The following MACROD2 variants were observed in gnomAD, a reference collection of about 807,000 sequenced individuals.
MACROD2 encodes ADP-ribose glycohydrolase MACROD2.
A neutral mutation model predicts 70.4 loss-of-function variants in MACROD2; 36 were observed. The ratio of observed to expected loss-of-function variants is 0.51; its 90% CI spans 0.39 to 0.68. The LOEUF is 0.68. MACROD2 is among the 30% of genes least tolerant of loss of function. The probability of loss-of-function intolerance (pLI) is 0.00; values close to 1 mark genes in which losing one functional copy is unlikely to be tolerated. For missense variants in MACROD2, 496 were observed against 538.4 expected (o/e 0.92, Z 0.78); for synonymous variants, 172 against 178.8 (o/e 0.96, Z 0.30).
At chr20:15,823,589 C>A (rs897340917) in intron 8 of MACROD2, among the ~76,000 whole-genome samples, 1 of 152,180 alleles carries the variant, frequency 6.6e-6, no homozygotes, top group African/African-American at 2.4e-5. Context: ...CATTAAATAG[C>A]GGTCATCACG....
At chr20:15,418,615 A>T (rs1477677774) in intron 6 of MACROD2, among the ~76,000 whole-genome samples, 1 of 152,212 alleles carries the variant, frequency 6.6e-6, no homozygotes, top group East Asian at 1.9e-4. Context: ...ATTAAGAGAC[A>T]CTGGAAGGTA....
intron 5 of MACROD2, among the ~76,000 whole-genome samples, chr20:15,140,189 G>A (rs17358812): frequency 0.21 from 31,916 of 151,980 alleles, 4,605 homozygotes; most frequent in Non-Finnish European, 0.32. Flanking sequence ...GAAGAGTCCA[G>A]GGTTATGACT....
chr20:14,885,121 C>T (rs558838416), intron 5 of MACROD2, among the ~76,000 whole-genome samples: 2 of 152,250 alleles, frequency 1.3e-5, no homozygotes, highest in South Asian at 2.1e-4. Context: ...CCCTACCTGT[C>T]ATTGAGAGGA....
At chr20:14,028,848 G>A (rs1046661815) in intron 2 of MACROD2, among the ~76,000 whole-genome samples, 10 of 152,064 alleles carry the variant, frequency 6.6e-5, no homozygotes, top group African/African-American at 2.4e-4. Flanking sequence ...GTTCCTATTC[G>A]GCTGTCTTGC....
At chr20:14,248,228 T>A (rs1428523876) in intron 3 of MACROD2, among the ~76,000 whole-genome samples, 1 of 152,218 alleles carries the variant, frequency 6.6e-6, no homozygotes, top group Non-Finnish European at 1.5e-5. Context: ...GCTGAGATAG[T>A]GACACCTTTG....
At chr20:15,632,407 G>A (rs1288516422) in intron 8 of MACROD2, among the ~76,000 whole-genome samples, 1 of 152,144 alleles carries the variant, frequency 6.6e-6, no homozygotes, top group Non-Finnish European at 1.5e-5. Context: ...CACAAGTTTA[G>A]CGGCGAGGGG....
intron 2 of MACROD2, among the ~76,000 whole-genome samples, chr20:14,028,473 A>G (rs2053205396): frequency 6.6e-6 from 1 of 152,158 alleles, no homozygotes; most frequent in African/African-American, 2.4e-5. Context: ...GGGGTATGAA[A>G]AAAAACTCCT....
chr20:14,566,087 T>A (rs1979781949), intron 4 of MACROD2, among the ~76,000 whole-genome samples: 2 of 151,888 alleles, frequency 1.3e-5, no homozygotes, highest in South Asian at 4.1e-4. Flanking sequence ...GGATGACAAA[T>A]GATATACTGG....
At chr20:14,468,762 G>A (rs970878270) in intron 3 of MACROD2, among the ~76,000 whole-genome samples, 2 of 151,954 alleles carry the variant, frequency 1.3e-5, no homozygotes, top group African/African-American at 4.8e-5. Flanking sequence ...CACCCGCCTT[G>A]GCCTCCCAAA....
chr20:14,794,273 G>C (rs1048523483), intron 5 of MACROD2, among the ~76,000 whole-genome samples: 1 of 152,102 alleles, frequency 6.6e-6, no homozygotes, highest in Admixed American at 6.6e-5. Context: ...CTTTTGAAAA[G>C]AATGGATCTG....
At chr20:15,770,796 C>T (rs2051611547) in intron 8 of MACROD2, among the ~76,000 whole-genome samples, 1 of 152,038 alleles carries the variant, frequency 6.6e-6, no homozygotes, top group Non-Finnish European at 1.5e-5. Flanking sequence ...AATCTAAGCC[C>T]TTAGATAAAG....
intron 5 of MACROD2, chr20:14,893,453 T>G (rs2073789043): frequency 6.6e-6 from 1 of 152,144 alleles, no homozygotes. Context: ...TTACTTTCCG[T>G]TTTTTGATAA....
At chr20:14,190,291 A>G (rs1014872595) in intron 3 of MACROD2, among the ~76,000 whole-genome samples, 7 of 152,186 alleles carry the variant, frequency 4.6e-5, no homozygotes, top group Admixed American at 2.6e-4. Context: ...CAGACACAAC[A>G]TTTAAATGAT....
At chr20:14,511,579 GA>G (rs34376360) in intron 4 of MACROD2, among the ~76,000 whole-genome samples, 23,953 of 151,826 alleles carry the variant, frequency 0.16, 2,136 homozygotes, top group Non-Finnish European at 0.2. Flanking sequence ...TTTCCATAGT[GA>G]ATAAATTCTG....
intron 8 of MACROD2, among the ~76,000 whole-genome samples, chr20:15,556,667 G>A (rs2048173208): frequency 6.6e-6 from 1 of 152,138 alleles, no homozygotes; most frequent in South Asian, 2.1e-4. Flanking sequence ...AAGCATTTGG[G>A]AGATATTACC....
In MACROD2 at chr20:14,039,643, G is replaced by A. The variant is rs530689498; in HGVS notation, c.163+37239G>A. On this transcript the variant is annotated intron_variant, in intron 2 of 17. Coordinates refer to ENST00000684519, the MANE Select transcript of MACROD2 (RefSeq NM_001351661.2). ...AGGGAAAACCGGTGATAGATACTTA[G>A]TTTTTTAACTATAAAACATCCTGGT... Among the ~76,000 whole-genome samples the A allele has an allele frequency of 1.1e-3, 172 of 152,150 alleles. No individual in the cohort carries two copies. The South Asian group carries it at 0.016, about 14-fold the overall frequency.
At chr20:14,937,965 A>G (rs2074355273) in intron 5 of MACROD2, among the ~76,000 whole-genome samples, 1 of 149,068 alleles carries the variant, frequency 6.7e-6, no homozygotes, top group African/African-American at 2.5e-5. Context: ...ACTTAACACA[A>G]TAACCACCAG....
chr20:15,020,377 T>A (rs1230450595), intron 5 of MACROD2, among the ~76,000 whole-genome samples: 1 of 152,172 alleles, frequency 6.6e-6, no homozygotes, highest in African/African-American at 2.4e-5. Flanking sequence ...AAGATCTATC[T>A]GAAAAAATTT....
rs545221238 is a variant in MACROD2, at chr20:14,029,057, A to C, written c.163+26653A>C. ...GCTGGCACTTTCTTCATGTTACCGGATGATGTTAATGAAAGGTTTTCAGAC... is the reference window on the plus strand; with the variant it reads ...GCTGGCACTTTCTTCATGTTACCGGCTGATGTTAATGAAAGGTTTTCAGAC... On this transcript the variant is annotated intron_variant, in intron 2 of 17. Transcript: ENST00000684519. Among the ~76,000 whole-genome samples the C allele has an allele frequency of 2.0e-5, 3 of 152,270 alleles. No individual in the cohort carries two copies. In the South Asian group the frequency reaches 6.2e-4, roughly 32 times the overall value.
Sources: allele counts gnomAD v4.1 joint callset (sites outside exome capture counted in the v4.1 genomes callset), GRCh38; gene constraint gnomAD v4.1.1; transcripts MANE v1.5; gene names NCBI Gene and HGNC (gene_info 2026-07-23, HGNC 2026-07-21).